The following CD38 variants were observed in gnomAD, a reference collection of about 807,000 sequenced individuals.
CD38 encodes ADP-ribosyl cyclase/cyclic ADP-ribose hydrolase 1.
A neutral mutation model predicts 36.3 loss-of-function variants in CD38; 31 were observed. That is an observed-to-expected ratio of 0.85 (90% CI 0.64 to 1.15). The LOEUF is 1.15. Among genes scored for constraint, CD38 ranks in the 50% most tolerant of loss-of-function variants. CD38 has a pLI of 0.00. For synonymous variants in CD38, 131 were observed against 135.2 expected (o/e 0.97, Z 0.22); for missense variants, 380 against 371.9 (o/e 1.02, Z -0.18).
intron 6 of CD38, 89 bp downstream of exon 6, chr4:15,840,207 T>C: frequency 1.1e-6 from 1 of 945,344 alleles, no homozygotes; most frequent in Non-Finnish European, 1.7e-6. Flanking sequence ...GGGAACAAAT[T>C]GACTCAGGAA....
rs959544926 is a variant in CD38, at chr4:15,839,425, T to C, written c.660-601T>C. On this transcript the variant is annotated intron_variant, in intron 5 of 7. Transcript: ENST00000226279. ...TGAAATTCTACATTTCTTTTTTTTT[T>C]TTTTTTTTTTTTTTTTGAGATGGCG... Among the ~76,000 whole-genome samples, 222 of 136,566 alleles carry C rather than the reference T, an allele frequency of 1.6e-3. 6 individuals are homozygous for C. The highest frequency in any genetic ancestry group is 4.1e-4 in the East Asian group (2 of 4,860). The allele number at this position is 136,566 out of a possible 152,430, so 89.6% of individuals were successfully genotyped here. A position where few individuals can be genotyped will look rare whatever the true frequency, so the allele number is the denominator to read the frequency against.
chr4:15,797,275 C>G (rs909375748), intron 1 of CD38, among the ~76,000 whole-genome samples: 5 of 152,142 alleles, frequency 3.3e-5, no homozygotes, highest in Non-Finnish European at 5.9e-5. Context: ...TTGAGATTTA[C>G]CCATGCTAAT....
chr4:15,821,706 A>C (rs1356205528), intron 2 of CD38, among the ~76,000 whole-genome samples: 1 of 151,360 alleles, frequency 6.6e-6, no homozygotes, highest in Non-Finnish European at 1.5e-5. Context: ...AAAAAAAAAA[A>C]AAAAAAGCCC....
chr4:15,791,099 T>A (rs370861183), intron 1 of CD38, among the ~76,000 whole-genome samples: 4 of 82,530 alleles, frequency 4.8e-5, no homozygotes, highest in African/African-American at 1.7e-4. Context: ...GGTGAGGGGC[T>A]CCTCTGCCCG....
At chr4:15,828,612 T>C (rs148581592) in intron 3 of CD38, among the ~76,000 whole-genome samples, 1 of 152,326 alleles carries the variant, frequency 6.6e-6, no homozygotes, top group African/African-American at 2.4e-5. Flanking sequence ...ACTTAGCATA[T>C]TGTTTTCTTG....
rs867166547 is a variant in CD38, at chr4:15,790,293, C to T, written c.233+11646C>T. ...ACTGCAACCTCCCTGCCTGATTCTCCTGCCTCAGCCTGCCGAGTGCCTGCG... is the reference window on the plus strand; with the variant it reads ...ACTGCAACCTCCCTGCCTGATTCTCTTGCCTCAGCCTGCCGAGTGCCTGCG... On this transcript the variant is annotated intron_variant, in intron 1 of 7. Transcript: ENST00000226279. 5.2e-3 allele frequency among the ~76,000 whole-genome samples: 793 copies of T among 152,162 alleles called. 2 individuals are homozygous for T. Among genetic ancestry groups the T allele is most frequent in the African/African-American group, 0.018 (752 of 41,540 alleles).
chr4:15,851,293 C>T lies in CD38; in HGVS notation c.*2691C>T, dbSNP rs1391940568. On this transcript the variant is annotated 3_prime_UTR_variant, in exon 8 of 8. Transcript: ENST00000226279. ...CTTTCTGACCTACATGTATAAATAC[C>T]CCCTCACAATATATATTACTTTTCC... is the stretch of plus-strand genomic sequence containing the variant. 6.6e-6 allele frequency: 1 copy of T among 152,018 alleles called. No homozygotes were observed. The highest frequency in any genetic ancestry group is 1.5e-5 in the Non-Finnish European group (1 of 68,006). The allele number at this position is 152,018 out of a possible 1,614,324, so 9.4% of individuals were successfully genotyped here. A position where few individuals can be genotyped will look rare whatever the true frequency, so the allele number is the denominator to read the frequency against.
In CD38 at chr4:15,786,332, C is replaced by T. The variant is rs112985802; in HGVS notation, c.233+7685C>T. Among the ~76,000 whole-genome samples the T allele has an allele frequency of 7.6e-3, 1,160 of 152,234 alleles. 16 individuals carry two copies. The highest frequency in any genetic ancestry group is 0.026 in the African/African-American group (1,098 of 41,538). On this transcript the variant is annotated intron_variant, in intron 1 of 7. Transcript: ENST00000226279. ...CTGTTTTACAGAGAGCTGATTGGTC[C>T]GTTTTGACAGGGTGCTGATTGGTGC...
At chr4:15,791,547 CCGGCCAGCCGCCCCG>C (rs1722990561) in intron 1 of CD38, among the ~76,000 whole-genome samples, 1 of 86,918 alleles carries the variant, frequency 1.2e-5, no homozygotes, top group Non-Finnish European at 2.2e-5. Flanking sequence ...AGCCCCCCGC[CCGGCCAGCCGCCCCG>C]TCCGGGAGGG....
chr4:15,780,077 A>C (rs1456102727), intron 1 of CD38, among the ~76,000 whole-genome samples: 1 of 152,242 alleles, frequency 6.6e-6, no homozygotes, highest in Non-Finnish European at 1.5e-5. Flanking sequence ...TAGTTGGGAG[A>C]AACATGATGC....
At chr4:15,790,431 G>A (rs1010705031) in intron 1 of CD38, among the ~76,000 whole-genome samples, 2 of 152,034 alleles carry the variant, frequency 1.3e-5, no homozygotes, top group South Asian at 2.1e-4. Flanking sequence ...GCCGGCCTCG[G>A]CCTCCCGAGG....
intron 3 of CD38, among the ~76,000 whole-genome samples, chr4:15,832,657 A>T (rs1255209928): frequency 6.6e-6 from 1 of 152,186 alleles, no homozygotes; most frequent in Non-Finnish European, 1.5e-5. Context: ...CTCCACCGCA[A>T]CTAGGACTTT....
chr4:15,826,517 A>C (rs191063694), intron 3 of CD38, among the ~76,000 whole-genome samples: 1 of 151,616 alleles, frequency 6.6e-6, no homozygotes, highest in Non-Finnish European at 1.5e-5. Flanking sequence ...TTGAACGATA[A>C]ATTTTTATAA....
At position 15,824,914 on chromosome 4, in the gene CD38, C is replaced by T. The variant is rs1307742856; in HGVS notation, c.397C>T (p.His133Tyr). The T allele has an allele frequency of 6.2e-7, 1 of 1,613,568 alleles. No individual in the cohort carries two copies. The highest frequency in any genetic ancestry group is 1.7e-5 in the Admixed American group (1 of 59,960). Residue 133 changes from histidine (H) to tyrosine (Y), a missense_variant, in exon 3 of 8, where the codon CAT (histidine) becomes TAT (tyrosine). By Grantham distance (83) the His-to-Tyr change is moderately conservative (BLOSUM62 2). Coordinates refer to ENST00000226279, the MANE Select transcript of CD38 (RefSeq NM_001775.4). ...TTGGAGCAGAATAAAAGATCTGGCC[C>T]ATCAGTTCACACAGGTCCAGCGGGA... is the stretch of plus-strand genomic sequence containing the variant. ...LLWSRIKDLA[H>Y]QFTQVQRDMF...
rs1229987021 is a variant in CD38 at position 15,816,551 on chromosome 4, GCAT to G, written c.275_277del (p.Ala92_Phe93delinsVal). The G allele has an allele frequency of 2.5e-6, 4 of 1,613,440 alleles. No individual in the cohort carries two copies. The highest frequency in any genetic ancestry group is 3.4e-6 in the Non-Finnish European group (4 of 1,179,498). ...AAGTGTATGGGATGCTTTCAAGGGT[GCAT>G]TTATTTCAAAACATCCTTGCAACAT... On this transcript the variant is annotated inframe_deletion, in exon 2 of 8. Coordinates refer to ENST00000226279, the MANE Select transcript of CD38 (RefSeq NM_001775.4).
intron 1 of CD38, among the ~76,000 whole-genome samples, chr4:15,814,258 A>G (rs6449199): frequency 0.18 from 28,111 of 152,132 alleles, 3,532 homozygotes; most frequent in African/African-American, 0.36. Context: ...TTTGAGAAGC[A>G]TCTGTTAATA....
chr4:15,814,599 T>C (rs1163384830), intron 1 of CD38, among the ~76,000 whole-genome samples: 1 of 152,206 alleles, frequency 6.6e-6, no homozygotes, highest in Non-Finnish European at 1.5e-5. Context: ...GTTTAATCCA[T>C]CTTGAGTTAA....
intron 3 of CD38, 80 bp downstream of exon 3, chr4:15,825,096 T>C (rs1723820163): frequency 1.4e-6 from 2 of 1,407,620 alleles, no homozygotes; most frequent in Non-Finnish European, 2.0e-6. Flanking sequence ...CCTGAATGAT[T>C]AGTGTGGAGG....
At chr4:15,795,914 A>G (rs535294318) in intron 1 of CD38, among the ~76,000 whole-genome samples, 44 of 152,224 alleles carry the variant, frequency 2.9e-4, no homozygotes, top group Middle Eastern at 6.8e-3. Flanking sequence ...TTGCCTTGAT[A>G]TTGTCCAAAT....
Sources: allele counts gnomAD v4.1 joint callset (sites outside exome capture counted in the v4.1 genomes callset), GRCh38; gene constraint gnomAD v4.1.1; transcripts MANE v1.5; gene names NCBI Gene and HGNC (gene_info 2026-07-23, HGNC 2026-07-21).